The following ZNF587 variants were observed in gnomAD, a reference collection of about 807,000 sequenced individuals.
The protein encoded by ZNF587 is zinc finger protein 587.
In ZNF587, 8 loss-of-function variants were observed where a neutral mutation model predicts 7.5. The observed-to-expected ratio is 1.06, with a 90% CI of 0.62 to 1.92. The LOEUF (loss-of-function observed/expected upper bound fraction) is 1.92, where lower values mean the gene tolerates loss of function less well. Ranked by LOEUF, ZNF587 falls within the 40% of genes most tolerant of loss-of-function variation. The pLI is 0.00. For synonymous variants in ZNF587, 145 were observed against 237.8 expected, an observed-to-expected ratio of 0.61 and a Z score of 3.59; for missense variants, 468 against 692.8, an observed-to-expected ratio of 0.68 and a Z score of 3.64.
At chr19:57,850,099 G>C in intron 1 of ZNF587, 28 bp downstream of exon 1, 2 of 1,614,248 alleles carry the variant, frequency 1.2e-6, no homozygotes, top group South Asian at 1.1e-5. Context: ...TGTGCCCTCA[G>C]GTCACCCCAT....
Position 57,861,777 on chromosome 19 carries a change from T to TA in ZNF587, c.*1637_*1638insA. On this transcript the variant is annotated 3_prime_UTR_variant, in exon 3 of 3. Coordinates refer to ENST00000339656, the MANE Select transcript of ZNF587 (RefSeq NM_032828.4). ...CTGCAAGGAATATTTGGTTTTCTTTTTTTTTTTTTTTTCCAGATGGAGTCT... is the reference window on the plus strand; with the variant it reads ...CTGCAAGGAATATTTGGTTTTCTTTTATTTTTTTTTTTTCCAGATGGAGTCT... 1 of 140,644 alleles carries TA rather than the reference T, an allele frequency of 7.1e-6. No individual in the cohort carries two copies. The highest frequency in any genetic ancestry group is 3.0e-5 in the African/African-American group (1 of 33,192). 8.7% of individuals were successfully genotyped at this position (140,644 alleles called of 1,614,324 possible).
chr19:57,853,980 T>G (rs905429325), intron 1 of ZNF587: 2 of 152,236 alleles, frequency 1.3e-5, no homozygotes, highest in Non-Finnish European at 1.5e-5. Context: ...AGTCTTGAAC[T>G]CCTGACCGGG....
In ZNF587 at chr19:57,850,072, G is replaced by T; in HGVS notation, c.33+1G>T. 6.2e-7 allele frequency: 1 copy of T among 1,614,270 alleles called. No individual in the cohort carries two copies. Among genetic ancestry groups the T allele is most frequent in the Non-Finnish European group, 8.5e-7 (1 of 1,180,058 alleles). The stretch of plus-strand genomic sequence containing the variant: ...GGCTGTGCCGAGGCGCCCAACTCAG[G>T]TAATTGTGGTGCCTTCTGTGCCCTC... On this transcript the variant is annotated splice_donor_variant, in intron 1 of 2. Coordinates refer to ENST00000339656, the MANE Select transcript of ZNF587 (RefSeq NM_032828.4). LOFTEE classifies it high-confidence loss of function.
intron 1 of ZNF587, among the ~76,000 whole-genome samples, chr19:57,852,826 C>G (rs2071297943): frequency 1.4e-5 from 2 of 141,834 alleles, no homozygotes; most frequent in African/African-American, 2.7e-5. Flanking sequence ...ATGCGCCCAG[C>G]CGAGACAGCT....
At position 57,860,659 on chromosome 19, in the gene ZNF587, G is replaced by T. The variant is rs554861057; in HGVS notation, c.*519G>T. On this transcript the variant is annotated 3_prime_UTR_variant, in exon 3 of 3. Coordinates refer to ENST00000339656, the MANE Select transcript of ZNF587 (RefSeq NM_032828.4). The stretch of plus-strand genomic sequence containing the variant: ...CCTGATGCTTTGGGAGGACAAGGTG[G>T]TTCATTGGAGGCCAGGAGTTAGAGA... 1 of 161,276 alleles carries T rather than the reference G, an allele frequency of 6.2e-6. No individual in the cohort carries two copies. The highest frequency in any genetic ancestry group is 5.8e-5 in the Admixed American group (1 of 17,130). 10.0% of individuals were successfully genotyped at this position (161,276 alleles called of 1,614,324 possible).
In ZNF587 at chr19:57,861,424, G is replaced by T. The variant is rs115343825; in HGVS notation, c.*1284G>T. The T allele has an allele frequency of 6.6e-6, 1 of 152,092 alleles. No homozygotes were observed. Among genetic ancestry groups the T allele is most frequent in the African/African-American group, 2.4e-5 (1 of 41,388 alleles). The allele number at this position is 152,092 out of a possible 1,614,324, so 9.4% of individuals were successfully genotyped here. On this transcript the variant is annotated 3_prime_UTR_variant, in exon 3 of 3. Transcript: ENST00000339656. ...CAGCTCATTGCAACCTCTGCTTCCT[G>T]GGCTCAAGCACTCTGCCCACCTCAG...
At chr19:57,858,397 G>A (rs1329421026) in intron 2 of ZNF587, 179 bp from the exon 3 acceptor site, 2 of 1,310,202 alleles carry the variant, frequency 1.5e-6, no homozygotes, top group Non-Finnish European at 2.1e-6. Flanking sequence ...AAAGTGCTGG[G>A]ATTACAGGTG....
In ZNF587 at chr19:57,852,093, C is replaced by T. The variant is rs143309369; in HGVS notation, c.33+2022C>T. ...TGTTCCATTCCCTCATTGGTCCTGA[C>T]GCCATCTACAGGTTCTCTAGCTTGT... is the stretch of plus-strand genomic sequence containing the variant. On this transcript the variant is annotated intron_variant, in intron 1 of 2. Coordinates refer to ENST00000339656, the MANE Select transcript of ZNF587 (RefSeq NM_032828.4). The T allele has an allele frequency of 1.2e-4, 42 of 362,248 alleles. 1 individual carries two copies. The highest frequency in any genetic ancestry group is 1.8e-4 in the Non-Finnish European group (36 of 203,644). The allele number at this position is 362,248 out of a possible 1,614,324, so 22.4% of individuals were successfully genotyped here.
intron 1 of ZNF587, among the ~76,000 whole-genome samples, chr19:57,855,077 G>A (rs918348063): frequency 5.3e-5 from 8 of 151,960 alleles, no homozygotes; most frequent in South Asian, 2.1e-4. Flanking sequence ...CCAGCTACTC[G>A]GGAGGCTGAG....
At chr19:57,855,861 C>T in intron 1 of ZNF587, 1 of 565,200 alleles carries the variant, frequency 1.8e-6, no homozygotes, top group Non-Finnish European at 2.9e-6. Flanking sequence ...GCACCCAGCC[C>T]AGAAGGGAGT....
Position 57,860,318 on chromosome 19 carries a change from GA to G in ZNF587, c.*179del. On this transcript the variant is annotated 3_prime_UTR_variant, in exon 3 of 3. Coordinates refer to ENST00000339656, the MANE Select transcript of ZNF587 (RefSeq NM_032828.4). ...GAGTCTTGTTCTGTCACCCAGGCTG[GA>G]GTGCAGTGGTGCAGTCTTGGCTCGC... 8.0e-7 allele frequency: 1 copy of G among 1,250,004 alleles called. No individual in the cohort carries two copies. The highest frequency in any genetic ancestry group is 1.1e-6 in the Non-Finnish European group (1 of 896,100). 77.4% of individuals were successfully genotyped at this position (1,250,004 alleles called of 1,614,324 possible).
rs2071426250 is a variant in ZNF587 at position 57,860,984 on chromosome 19, A to T, written c.*844A>T. The T allele has an allele frequency of 6.6e-6, 1 of 151,952 alleles. No individual in the cohort carries two copies. The highest frequency in any genetic ancestry group is 2.4e-5 in the African/African-American group (1 of 41,348). 9.4% of individuals were successfully genotyped at this position (151,952 alleles called of 1,614,324 possible). On this transcript the variant is annotated 3_prime_UTR_variant, in exon 3 of 3. Coordinates refer to ENST00000339656, the MANE Select transcript of ZNF587 (RefSeq NM_032828.4). ...CTGATTCTTCTGCCTCAGCCTCCCG[A>T]GTAGCAGGGATTACCGGTGTGCACC...
At chr19:57,850,834 C>G (rs1396941999) in intron 1 of ZNF587, 1 of 340,358 alleles carries the variant, frequency 2.9e-6, no homozygotes, top group African/African-American at 2.1e-5. Flanking sequence ...TAAAGGAGAA[C>G]TCGTGAGTCA....
At chr19:57,850,299 T>A in intron 1 of ZNF587, 1 of 687,206 alleles carries the variant, frequency 1.5e-6, no homozygotes, top group Non-Finnish European at 2.5e-6. Flanking sequence ...AAATAGTAAT[T>A]CACGCAGAGC....
At chr19:57,858,523 G>A in intron 2 of ZNF587, 53 bp from the exon 3 acceptor site, 2 of 1,570,610 alleles carry the variant, frequency 1.3e-6, no homozygotes, top group South Asian at 1.2e-5. Context: ...TGGGTGGGCT[G>A]TGCCTTCCCG....
intron 1 of ZNF587, 187 bp from the exon 2 acceptor site, chr19:57,855,917 C>T (rs1378375088): frequency 5.9e-6 from 6 of 1,024,478 alleles, no homozygotes. Flanking sequence ...TATTTGTCCA[C>T]CTACTTCTTG....
At chr19:57,854,967 G>C (rs1366364445) in intron 1 of ZNF587, among the ~76,000 whole-genome samples, 3 of 151,440 alleles carry the variant, frequency 2.0e-5, no homozygotes, top group Non-Finnish European at 4.4e-5. Context: ...AGGAAGTATG[G>C]AGATCGAGAC....
intron 1 of ZNF587, among the ~76,000 whole-genome samples, chr19:57,854,344 C>T (rs2071322944): frequency 6.6e-6 from 1 of 151,634 alleles, no homozygotes; most frequent in South Asian, 2.1e-4. Flanking sequence ...TTCCAGGAGA[C>T]GTTCACAGGA....
At position 57,864,194 on chromosome 19, in the gene ZNF587, C is replaced by T. The variant is rs2071477079; in HGVS notation, c.*4054C>T. The T allele has an allele frequency of 7.7e-6, 1 of 130,336 alleles. No individual in the cohort carries two copies. 8.1% of individuals were successfully genotyped at this position (130,336 alleles called of 1,614,324 possible). A position where few individuals can be genotyped will look rare whatever the true frequency, so the allele number is the denominator to read the frequency against. Reference sequence around the variant, plus strand: ...TGTCACCCAGGCTGAAGTGCAATGGCATGGTCTCGGCTCACTGCAACCTCC... The same window carrying T: ...TGTCACCCAGGCTGAAGTGCAATGGTATGGTCTCGGCTCACTGCAACCTCC... On this transcript the variant is annotated 3_prime_UTR_variant, in exon 3 of 3. Coordinates refer to ENST00000339656, the MANE Select transcript of ZNF587 (RefSeq NM_032828.4).
Sources: allele counts gnomAD v4.1 joint callset (sites outside exome capture counted in the v4.1 genomes callset), GRCh38; gene constraint gnomAD v4.1.1; transcripts MANE v1.5; gene names NCBI Gene and HGNC (gene_info 2026-07-23, HGNC 2026-07-21).